Variants in TBL1X observed in about 807,000 individuals in gnomAD.
The protein encoded by TBL1X is F-box-like/WD repeat-containing protein TBL1X.
A neutral mutation model predicts 50.7 loss-of-function variants in TBL1X; 10 were observed. That is an observed-to-expected ratio of 0.20 (90% CI 0.12 to 0.33). The LOEUF is 0.33. TBL1X is among the 10% of genes least tolerant of loss of function. TBL1X has a pLI of 1.00. For missense variants in TBL1X, 340 were observed against 504.4 expected (o/e 0.67, Z 3.12); for synonymous variants, 190 against 214.7 (o/e 0.88, Z 1.01).
intron 15 of TBL1X, 144 bp downstream of exon 15, chrX:9,709,904 T>C (rs1252232591): frequency 7.2e-6 from 6 of 833,540 alleles, no homozygotes; most frequent in Non-Finnish European, 1.0e-5. Flanking sequence ...AGGATAGAAT[T>C]ACCGAGTAAC....
chrX:9,479,965 T>TGTGTGTG (rs1313372994), intron 1 of TBL1X, among the ~76,000 whole-genome samples: 2 of 108,656 alleles, frequency 1.8e-5, no homozygotes, highest in Non-Finnish European at 3.8e-5. Flanking sequence ...TGTGTGTGTG[T>TGTGTGTG]TTGAGATGGA....
chrX:9,688,157 T>G lies in TBL1X; in HGVS notation c.498T>G (p.Ala166=), dbSNP rs369487407. ...AAGCCAGTGCGGCGGCGGCGGCGGCTGCGGCCACGGCAGCAGCGACAGCAG... is the reference window on the plus strand; with the variant it reads ...AAGCCAGTGCGGCGGCGGCGGCGGCGGCGGCCACGGCAGCAGCGACAGCAG... ...QQQASAAAAA[A]AATAAATAAT... Residue 166 remains alanine (A), a synonymous_variant, in exon 7 of 18, where the codon GCT becomes GCG. Transcript: ENST00000645353. 939 of 1,195,525 alleles carry G rather than the reference T, an allele frequency of 7.9e-4. No homozygotes were observed. The highest frequency in any genetic ancestry group is 1.0e-3 in the Non-Finnish European group (888 of 888,162).
intron 5 of TBL1X, among the ~76,000 whole-genome samples, chrX:9,657,831 A>G (rs2082872987): frequency 8.9e-6 from 1 of 112,455 alleles, no homozygotes; most frequent in African/African-American, 3.2e-5. Flanking sequence ...GAACTTTTGC[A>G]TTACCAAGCT....
At chrX:9,693,098 C>G in intron 9 of TBL1X, 51 bp from the exon 10 acceptor site, 1 of 1,192,405 alleles carries the variant, frequency 8.4e-7, no homozygotes, top group Non-Finnish European at 1.1e-6. Context: ...TGCTTCGGTG[C>G]TGCCGCTCCT....
At chrX:9,483,051 G>A (rs1258725507) in intron 1 of TBL1X, among the ~76,000 whole-genome samples, 2 of 111,119 alleles carry the variant, frequency 1.8e-5, no homozygotes, top group Non-Finnish European at 3.8e-5. Context: ...TGAGGAAGGT[G>A]TGCTCTTGGC....
chrX:9,519,343 C>G (rs2146964803), intron 2 of TBL1X, among the ~76,000 whole-genome samples: 1 of 111,537 alleles, frequency 9.0e-6, no homozygotes, highest in Admixed American at 9.6e-5. Flanking sequence ...ATCTCCTGGG[C>G]TCAGTGATCC....
intron 2 of TBL1X, among the ~76,000 whole-genome samples, chrX:9,504,631 C>G (rs1277156009): frequency 1.8e-5 from 2 of 112,425 alleles, no homozygotes; most frequent in African/African-American, 3.2e-5. Context: ...CTGAAAAACA[C>G]AGCACGAGAA....
chrX:9,669,779 G>C (rs2082950157), intron 5 of TBL1X, among the ~76,000 whole-genome samples: 1 of 111,731 alleles, frequency 9.0e-6, no homozygotes, highest in Admixed American at 9.5e-5. Context: ...AGTTAGGGCA[G>C]TCGTCTCTTC....
chrX:9,557,196 C>T (rs779880192), intron 2 of TBL1X, among the ~76,000 whole-genome samples: 29 of 111,846 alleles, frequency 2.6e-4, no homozygotes, highest in African/African-American at 9.4e-4. Flanking sequence ...TTGGAAACGG[C>T]GTTAACCCCA....
intron 2 of TBL1X, among the ~76,000 whole-genome samples, chrX:9,632,139 C>T (rs1192875003): frequency 8.9e-6 from 1 of 112,057 alleles, no homozygotes; most frequent in Non-Finnish European, 1.9e-5. Context: ...CACTGATTTT[C>T]AAGAAATTGA....
At chrX:9,595,411 T>G (rs1035773825) in intron 2 of TBL1X, among the ~76,000 whole-genome samples, 8 of 112,297 alleles carry the variant, frequency 7.1e-5, no homozygotes, top group African/African-American at 2.6e-4. Context: ...TGGCTGACCC[T>G]GCCTTTAGAG....
At chrX:9,546,041 C>T (rs961765230) in intron 2 of TBL1X, among the ~76,000 whole-genome samples, 4 of 111,720 alleles carry the variant, frequency 3.6e-5, no homozygotes, top group Non-Finnish European at 1.9e-5. Context: ...ATCTCCTTCT[C>T]CATCCTTGGT....
chrX:9,548,867 G>A (rs994137121), intron 2 of TBL1X, among the ~76,000 whole-genome samples: 2 of 112,898 alleles, frequency 1.8e-5, no homozygotes, highest in South Asian at 3.6e-4. Flanking sequence ...TTCTTGATAC[G>A]CACATTTATG....
intron 2 of TBL1X, among the ~76,000 whole-genome samples, chrX:9,607,286 T>C (rs1040191120): frequency 3.5e-5 from 4 of 113,066 alleles, no homozygotes; most frequent in African/African-American, 1.3e-4. Flanking sequence ...GCCTGACTTA[T>C]CGGACATTTC....
intron 1 of TBL1X, among the ~76,000 whole-genome samples, chrX:9,491,338 A>ATATATATATATATT (rs1328551249): frequency 6.4e-5 from 2 of 31,314 alleles, no homozygotes; most frequent in African/African-American, 2.3e-4. Flanking sequence ...ATATATATAT[A>ATATATATATATATT]TTTTTTTTTT....
intron 6 of TBL1X, among the ~76,000 whole-genome samples, chrX:9,687,516 C>T (rs955788747): frequency 8.1e-5 from 9 of 111,196 alleles, no homozygotes; most frequent in African/African-American, 2.9e-4. Context: ...TTTGGGGCTG[C>T]GTGTTTCTCT....
chrX:9,656,313 G>A (rs2082864792), intron 5 of TBL1X, among the ~76,000 whole-genome samples: 1 of 112,379 alleles, frequency 8.9e-6, no homozygotes, highest in Non-Finnish European at 1.9e-5. Context: ...ACAAGGACAC[G>A]ATGAAGGCCA....
chrX:9,505,273 G>GC (rs887156835), intron 2 of TBL1X, among the ~76,000 whole-genome samples: 3 of 111,880 alleles, frequency 2.7e-5, no homozygotes, highest in Non-Finnish European at 5.6e-5. Context: ...CACTAGGCCT[G>GC]CCCTGCAATG....
At chrX:9,553,713 T>A (rs1029284148) in intron 2 of TBL1X, among the ~76,000 whole-genome samples, 5 of 112,186 alleles carry the variant, frequency 4.5e-5, no homozygotes, top group African/African-American at 1.6e-4. Flanking sequence ...CTAGTGTGAT[T>A]TATGCTAAGC....
Sources: gnomAD v4.1 joint callset for allele counts (sites outside exome capture counted in the v4.1 genomes callset) on GRCh38, gnomAD v4.1.1 for gene constraint, MANE v1.5 for transcripts, NCBI Gene and HGNC (gene_info 2026-07-23, HGNC 2026-07-21) for gene names.